The following CCDC171 variants were observed in gnomAD, a reference collection of about 807,000 sequenced individuals.
CCDC171 encodes the protein coiled-coil domain containing 171.
A neutral mutation model predicts 168.2 loss-of-function variants in CCDC171; 177 were observed. The ratio of observed to expected loss-of-function variants is 1.05; its 90% CI spans 0.93 to 1.19. The LOEUF (loss-of-function observed/expected upper bound fraction) is 1.19. Ranked by LOEUF, CCDC171 falls within the 50% of genes most tolerant of loss-of-function variation. The probability of loss-of-function intolerance (pLI) is 0.00; values close to 1 mark genes in which losing one functional copy is unlikely to be tolerated. For missense variants in CCDC171, 1,991 were observed against 1,539.0 expected (o/e 1.29, Z -4.91); for synonymous variants, 687 against 540.8 (o/e 1.27, Z -3.75).
At chr9:15,852,903 A>T (rs560181871) in intron 23 of CCDC171, among the ~76,000 whole-genome samples, 4 of 151,740 alleles carry the variant, frequency 2.6e-5, no homozygotes, top group African/African-American at 9.6e-5. Context: ...CTATAGATGT[A>T]TAGGTTTATT....
intron 24 of CCDC171, among the ~76,000 whole-genome samples, chr9:15,908,908 TC>T (rs950563595): frequency 2.6e-5 from 4 of 152,126 alleles, no homozygotes; most frequent in African/African-American, 9.7e-5. Flanking sequence ...AGGTCCCGCT[TC>T]CAGCACTGGG....
chr9:16,059,035 A>C (rs1459587679), intron 1 of CCDC171, among the ~76,000 whole-genome samples: 2 of 152,148 alleles, frequency 1.3e-5, no homozygotes, highest in African/African-American at 4.8e-5. Context: ...ACATGGAAGC[A>C]AAATGGTCTG....
chr9:15,625,700 T>C (rs2045020713), intron 7 of CCDC171, among the ~76,000 whole-genome samples: 1 of 152,266 alleles, frequency 6.6e-6, no homozygotes, highest in Non-Finnish European at 1.5e-5. Context: ...AGCAGTACTA[T>C]GCTGTTTTGG....
At chr9:15,741,849 C>T (rs572288381) in intron 16 of CCDC171, among the ~76,000 whole-genome samples, 117 of 152,142 alleles carry the variant, frequency 7.7e-4, no homozygotes, top group African/African-American at 2.4e-3. Context: ...TGCATTGCTC[C>T]GGAACTTGGT....
chr9:15,736,382 A>T (rs1271436764), intron 16 of CCDC171, among the ~76,000 whole-genome samples: 1 of 151,610 alleles, frequency 6.6e-6, no homozygotes, highest in African/African-American at 2.4e-5. Flanking sequence ...CTAGTACCTC[A>T]CTACATTGCC....
rs1563957637 is a variant in CCDC171 at position 15,569,846 on chromosome 9, C to CAAAACAA, written c.42-1774_42-1773insCAAAAAA. Among the ~76,000 whole-genome samples, 839 of 139,812 alleles carry CAAAACAA rather than the reference C, an allele frequency of 6.0e-3. 13 individuals carry two copies. Among genetic ancestry groups the CAAAACAA allele is most frequent in the African/African-American group, 0.022 (799 of 37,074 alleles). 91.7% of individuals were successfully genotyped at this position (139,812 alleles called of 152,430 possible). On this transcript the variant is annotated intron_variant, in intron 2 of 25. Transcript: ENST00000380701. ...AAACAAAAAACAAAAAACAAACAAACAAAAAAAAAATTTCTATTTTTCATC... is the reference window on the plus strand; with the variant it reads ...AAACAAAAAACAAAAAACAAACAAACAAAACAAAAAAAAAAAATTTCTATTTTTCATC...
chr9:16,060,994 G>T (rs529468842), exon 2 of CCDC171: 1 of 152,216 alleles, frequency 6.6e-6, no homozygotes, highest in African/African-American at 2.4e-5. Context: ...CCATTTGAGT[G>T]TAATTCTGTT....
chr9:15,657,000 A>G (rs2047989025), intron 7 of CCDC171, 127 bp from the exon 8 acceptor site: 2 of 472,192 alleles, frequency 4.2e-6, no homozygotes, highest in Non-Finnish European at 7.5e-6. Context: ...CCATTCTTGC[A>G]AAGAAAAAAA....
intron 25 of CCDC171, among the ~76,000 whole-genome samples, chr9:15,948,557 T>G (rs1471546499): frequency 6.6e-6 from 1 of 152,080 alleles, no homozygotes; most frequent in Admixed American, 6.6e-5. Context: ...GGTTTTGATT[T>G]GCATTGCTCT....
chr9:16,064,249 T>C (rs1343464184), downstream of CCDC171, among the ~76,000 whole-genome samples: 2 of 152,206 alleles, frequency 1.3e-5, no homozygotes, highest in African/African-American at 4.8e-5. Flanking sequence ...AGGCCGTTTT[T>C]TCCCCCTGAA....
chr9:15,976,225 C>A (rs1295747016), downstream of CCDC171, among the ~76,000 whole-genome samples: 1 of 152,100 alleles, frequency 6.6e-6, no homozygotes, highest in Non-Finnish European at 1.5e-5. Context: ...CACCAGTAAA[C>A]GTTTAGTAAT....
At chr9:16,032,693 T>G (rs1833384919) in intron 6 of CCDC171, among the ~76,000 whole-genome samples, 1 of 152,104 alleles carries the variant, frequency 6.6e-6, no homozygotes, top group South Asian at 2.1e-4. Flanking sequence ...TCATAGCTCA[T>G]AGCAGCCTCA....
At chr9:15,636,915 A>AT (rs907464951) in intron 7 of CCDC171, among the ~76,000 whole-genome samples, 9 of 151,122 alleles carry the variant, frequency 6.0e-5, no homozygotes, top group African/African-American at 1.2e-4. Context: ...GTAATAACGA[A>AT]TTTTTTTTTG....
At chr9:15,649,183 C>A (rs1327226052) in intron 7 of CCDC171, among the ~76,000 whole-genome samples, 1 of 152,160 alleles carries the variant, frequency 6.6e-6, no homozygotes, top group Non-Finnish European at 1.5e-5. Flanking sequence ...GCTGGGAAAA[C>A]TGGCTAGCCA....
chr9:15,992,156 A>G (rs1289080119), intron 3 of CCDC171, among the ~76,000 whole-genome samples: 1 of 152,238 alleles, frequency 6.6e-6, no homozygotes, highest in Non-Finnish European at 1.5e-5. Flanking sequence ...AATATCCCTG[A>G]TGAACATCGA....
At chr9:15,712,685 A>C (rs1042420563) in intron 11 of CCDC171, among the ~76,000 whole-genome samples, 9 of 152,308 alleles carry the variant, frequency 5.9e-5, no homozygotes, top group South Asian at 4.1e-4. Context: ...ACTCAGTGTG[A>C]TCAACCTGCC....
chr9:15,885,439 CTTATTA>C (rs1267857179), intron 24 of CCDC171: 2 of 152,062 alleles, frequency 1.3e-5, no homozygotes, highest in Non-Finnish European at 2.9e-5. Context: ...TCTTTTAATA[CTTATTA>C]TTGAGAGAAC....
At chr9:15,640,425 T>A (rs990105463) in intron 7 of CCDC171, among the ~76,000 whole-genome samples, 2 of 152,164 alleles carry the variant, frequency 1.3e-5, no homozygotes, top group African/African-American at 4.8e-5. Flanking sequence ...TAGAATGCCT[T>A]ATTAAGATTT....
rs375781521 is a variant in CCDC171, at chr9:16,001,171, C to T, written n.369-19418C>T. On this transcript the variant is annotated intron_variant and non_coding_transcript_variant, in intron 3 of 9. Transcript: ENST00000486641. ...GTTGCCTAGAAAATCAAGATAGGAA[C>T]CAACTGACAGGAGTGCATGATCTTG... Among the ~76,000 whole-genome samples the T allele has an allele frequency of 1.4e-3, 208 of 152,258 alleles. 2 individuals are homozygous for T. Among genetic ancestry groups the T allele is most frequent in the African/African-American group, 4.7e-3 (195 of 41,564 alleles).
Sources: allele counts gnomAD v4.1 joint callset (sites outside exome capture counted in the v4.1 genomes callset), GRCh38; gene constraint gnomAD v4.1.1; transcripts MANE v1.5; gene names NCBI Gene and HGNC (gene_info 2026-07-23, HGNC 2026-07-21).